The following PEX5L variants were observed in gnomAD, a reference collection of about 807,000 sequenced individuals.
The protein encoded by PEX5L is peroxisomal biogenesis factor 5 like.
A neutral mutation model predicts 84.0 loss-of-function variants in PEX5L; 30 were observed. The ratio of observed to expected loss-of-function variants is 0.36; its 90% CI spans 0.27 to 0.48. The LOEUF is 0.48. PEX5L is among the 20% of genes least tolerant of loss of function. The probability of loss-of-function intolerance (pLI) is 0.99; values close to 1 mark genes in which losing one functional copy is unlikely to be tolerated. For missense variants in PEX5L, 533 were observed against 754.6 expected, an observed-to-expected ratio of 0.71 and a Z score of 3.44; for synonymous variants, 270 against 283.1, an observed-to-expected ratio of 0.95 and a Z score of 0.46.
rs550455953 is a variant in PEX5L at position 179,828,496 on chromosome 3, C to G, written c.823-8520G>C. On this transcript the variant is annotated intron_variant, in intron 8 of 14. Coordinates refer to ENST00000467460, the MANE Select transcript of PEX5L (RefSeq NM_016559.3). ...AGTCAGCACCAGGTCCATACCTTTA[C>G]CTGCCTGGCCCTGTAGCCAACTGAG... Among the ~76,000 whole-genome samples, 26 of 152,284 alleles carry G rather than the reference C, an allele frequency of 1.7e-4. 1 individual carries two copies. The highest frequency in any genetic ancestry group is 3.1e-4 in the Non-Finnish European group (21 of 68,024).
intron 7 of PEX5L, among the ~76,000 whole-genome samples, chr3:179,863,678 A>G (rs919135048): frequency 6.6e-6 from 1 of 152,168 alleles, no homozygotes; most frequent in South Asian, 2.1e-4. Flanking sequence ...AAGATGAAAG[A>G]TAAGTGTTGG....
chr3:179,902,682 G>A (rs747161808), intron 2 of PEX5L: 24 of 456,220 alleles, frequency 5.3e-5, no homozygotes, highest in South Asian at 2.0e-4. Flanking sequence ...GATCCGTTTT[G>A]GTGCATAAAA....
chr3:179,960,308 G>A (rs1352627808), intron 2 of PEX5L, among the ~76,000 whole-genome samples: 1 of 152,228 alleles, frequency 6.6e-6, no homozygotes, highest in East Asian at 1.9e-4. Flanking sequence ...TGTGAAGGGA[G>A]GAAGAACATC....
At chr3:179,943,070 T>C in intron 2 of PEX5L, among the ~76,000 whole-genome samples, 1 of 152,234 alleles carries the variant, frequency 6.6e-6, no homozygotes, top group East Asian at 1.9e-4. Flanking sequence ...ACCAAAGCAC[T>C]TGCAAAAGTA....
chr3:179,871,111 T>C (rs1214905945), intron 7 of PEX5L, among the ~76,000 whole-genome samples: 1 of 147,960 alleles, frequency 6.8e-6, no homozygotes, highest in East Asian at 1.9e-4. Flanking sequence ...TTTTTTTTTT[T>C]TTTTTTTTTT....
chr3:179,927,370 G>C (rs1311737231), intron 2 of PEX5L, among the ~76,000 whole-genome samples: 1 of 152,196 alleles, frequency 6.6e-6, no homozygotes, highest in Non-Finnish European at 1.5e-5. Context: ...AGTCCTGCCA[G>C]TGTAAGGAGA....
At chr3:179,933,160 T>C (rs1773588782) in intron 2 of PEX5L, among the ~76,000 whole-genome samples, 1 of 152,242 alleles carries the variant, frequency 6.6e-6, no homozygotes, top group Non-Finnish European at 1.5e-5. Flanking sequence ...GAATGACCCC[T>C]GACTTTGATC....
chr3:180,001,963 C>T (rs1461975975), intron 1 of PEX5L, among the ~76,000 whole-genome samples: 1 of 152,034 alleles, frequency 6.6e-6, no homozygotes, highest in Non-Finnish European at 1.5e-5. Flanking sequence ...CTGGGGTTGT[C>T]GTTATTTTAC....
chr3:179,967,741 C>T (rs1783712388), intron 2 of PEX5L, among the ~76,000 whole-genome samples: 2 of 152,138 alleles, frequency 1.3e-5, no homozygotes, highest in South Asian at 4.1e-4. Flanking sequence ...CATATTTTTT[C>T]CTCCTTTAAA....
At chr3:179,834,017 T>G (rs1734091495) in intron 8 of PEX5L, among the ~76,000 whole-genome samples, 1 of 152,006 alleles carries the variant, frequency 6.6e-6, no homozygotes, top group East Asian at 1.9e-4. Flanking sequence ...ATTTTTATTT[T>G]TTTGTGGAGA....
At chr3:179,888,653 TG>T (rs888692420) in intron 3 of PEX5L, among the ~76,000 whole-genome samples, 15 of 147,552 alleles carry the variant, frequency 1.0e-4, no homozygotes, top group Non-Finnish European at 1.3e-4. Flanking sequence ...CTGTTTTTTT[TG>T]GGGGGGGTGG....
At chr3:179,934,789 C>T (rs1433742040) in intron 2 of PEX5L, among the ~76,000 whole-genome samples, 2 of 152,124 alleles carry the variant, frequency 1.3e-5, no homozygotes, top group South Asian at 2.1e-4. Flanking sequence ...TGTTTGGAAA[C>T]TATAATCTCA....
chr3:179,996,112 G>A (rs913987126), intron 1 of PEX5L, among the ~76,000 whole-genome samples: 2 of 152,164 alleles, frequency 1.3e-5, no homozygotes, highest in African/African-American at 4.8e-5. Context: ...GCAAGATAAT[G>A]TTGATTCTCA....
chr3:179,844,906 C>T (rs1449581258), intron 8 of PEX5L, among the ~76,000 whole-genome samples: 1 of 152,138 alleles, frequency 6.6e-6, no homozygotes, highest in African/African-American at 2.4e-5. Context: ...ACCTTGGAGG[C>T]TACATTAATA....
intron 9 of PEX5L, among the ~76,000 whole-genome samples, chr3:179,816,301 C>T (rs1302944431): frequency 3.3e-5 from 5 of 152,136 alleles, no homozygotes; most frequent in Non-Finnish European, 1.5e-5. Context: ...ATGTTTACTG[C>T]AGCACTATTC....
intron 8 of PEX5L, among the ~76,000 whole-genome samples, chr3:179,850,055 A>T (rs1361734767): frequency 6.6e-6 from 1 of 152,178 alleles, no homozygotes; most frequent in African/African-American, 2.4e-5. Context: ...AAATTTAGAG[A>T]TAGACTGTAA....
chr3:179,887,993 C>A (rs1284001331), intron 3 of PEX5L: 2 of 715,856 alleles, frequency 2.8e-6, no homozygotes, highest in South Asian at 1.7e-5. Flanking sequence ...TTTGATGCAG[C>A]CAACTTCAAT....
rs1718746146 is a variant in PEX5L at position 179,801,131 on chromosome 3, C to T, written c.*697G>A. On this transcript the variant is annotated 3_prime_UTR_variant, in exon 15 of 15. Coordinates refer to ENST00000467460, the MANE Select transcript of PEX5L (RefSeq NM_016559.3). ...TGAGGCTGAGTTCTTAAATCTTTCA[C>T]CCCCAAGTTAAAAATTGGAGCAACA... 6.6e-6 allele frequency: 1 copy of T among 152,538 alleles called. No homozygotes were observed. The highest frequency in any genetic ancestry group is 2.1e-4 in the South Asian group (1 of 4,828). The allele number at this position is 152,538 out of a possible 1,614,324, so 9.4% of individuals were successfully genotyped here. A position where few individuals can be genotyped will look rare whatever the true frequency, so the allele number is the denominator to read the frequency against.
At chr3:180,004,132 T>C (rs6784113) in intron 1 of PEX5L, among the ~76,000 whole-genome samples, 9,374 of 152,296 alleles carry the variant, frequency 0.062, 347 homozygotes, top group Non-Finnish European at 0.093. Flanking sequence ...AATTTATTTT[T>C]TGCCGTTGAA....
Sources: allele counts gnomAD v4.1 joint callset (sites outside exome capture counted in the v4.1 genomes callset), GRCh38; gene constraint gnomAD v4.1.1; transcripts MANE v1.5; gene names NCBI Gene and HGNC (gene_info 2026-07-23, HGNC 2026-07-21).